Variants in PDXDC1 observed in about 807,000 individuals in gnomAD.
The protein encoded by PDXDC1 is pyridoxal-dependent decarboxylase domain-containing protein 1.
Under a neutral mutation model 100.1 loss-of-function variants are expected in PDXDC1, and 42 were observed. The observed-to-expected ratio is 0.42, with a 90% CI of 0.33 to 0.54. PDXDC1 has a LOEUF of 0.54. Among genes scored for constraint, PDXDC1 ranks in the 20% least tolerant of loss-of-function variants. PDXDC1 has a pLI of 0.10. For missense variants in PDXDC1, 636 were observed against 979.2 expected, an observed-to-expected ratio of 0.65 and a Z score of 4.68; for synonymous variants, 260 against 371.7, an observed-to-expected ratio of 0.70 and a Z score of 3.46.
chr16:15,146,689 C>T, the PDXDC1 span, among the ~76,000 whole-genome samples: 467 of 152,270 alleles, frequency 3.1e-3, no homozygotes, highest in Non-Finnish European at 5.6e-3. Context: ...TAAGCACAGG[C>T]ACAGTGTCTG....
intron 1 of PDXDC1, among the ~76,000 whole-genome samples, chr16:14,996,843 C>T (rs1384916899): frequency 1.3e-5 from 2 of 152,288 alleles, no homozygotes; most frequent in Non-Finnish European, 2.9e-5. Flanking sequence ...TGTAACAGAG[C>T]GACTGCCTCA....
intron 16 of PDXDC1, among the ~76,000 whole-genome samples, chr16:15,048,306 G>A (rs1343542669): frequency 6.6e-6 from 1 of 152,178 alleles, no homozygotes; most frequent in Non-Finnish European, 1.5e-5. Context: ...CTGCGCGGTG[G>A]TTTTTTTAAC....
At chr16:15,086,749 C>G (rs1258423423) in intron 16 of PDXDC1, among the ~76,000 whole-genome samples, 6 of 152,150 alleles carry the variant, frequency 3.9e-5, no homozygotes, top group Non-Finnish European at 8.8e-5. Flanking sequence ...ATGTTGACAC[C>G]TGGGACTTTT....
chr16:14,975,435 G>A (rs756937759), intron 1 of PDXDC1: 9 of 985,134 alleles, frequency 9.1e-6, no homozygotes, highest in Admixed American at 6.1e-5. Context: ...CGAAGAGGCT[G>A]GGCGGGGTTC....
intron 16 of PDXDC1, chr16:15,047,635 C>T (rs1316072237): frequency 3.8e-5 from 40 of 1,065,820 alleles, no homozygotes; most frequent in East Asian, 7.1e-5. Context: ...CCCTCCGGAC[C>T]GCCTCATCTT....
chr16:15,025,744 T>TCC, intron 13 of PDXDC1: 2 of 152,956 alleles, frequency 1.3e-5, no homozygotes, highest in Non-Finnish European at 2.9e-5. Flanking sequence ...TTAGAGATCT[T>TCC]CCCCCTCCAG....
In PDXDC1 at chr16:15,127,350, G is replaced by A. The variant is rs544880141; in HGVS notation, c.1400-11529G>A. The A allele has an allele frequency of 3.9e-5, 28 of 713,056 alleles. 1 individual carries two copies. The highest frequency in any genetic ancestry group is 2.3e-4 in the African/African-American group (13 of 57,052). 44.2% of individuals were successfully genotyped at this position (713,056 alleles called of 1,614,324 possible). A position where few individuals can be genotyped will look rare whatever the true frequency, so the allele number is the denominator to read the frequency against. ...CTGCTCAAGTGTGTTGACCCTTCCC[G>A]AGCAGCCTTTGGTGGACGCCTTTCC... On this transcript the variant is annotated intron_variant, in intron 16 of 16. Transcript: ENST00000535621.
chr16:15,132,929 G>A (rs1474460685), intron 16 of PDXDC1: 3 of 1,579,034 alleles, frequency 1.9e-6, no homozygotes, highest in East Asian at 2.2e-5. Flanking sequence ...CCGGCAGGAG[G>A]CCAGCAGATG....
intron 16 of PDXDC1, among the ~76,000 whole-genome samples, chr16:15,132,510 C>G (rs2048154042): frequency 6.7e-6 from 1 of 150,348 alleles, no homozygotes; most frequent in South Asian, 2.1e-4. Context: ...CTCTTTACAC[C>G]CTGGGTCCCC....
chr16:15,038,384 C>CACATTTCCATCTAGGACTTG, downstream of PDXDC1: 1 of 618,416 alleles, frequency 1.6e-6, no homozygotes, highest in Admixed American at 3.2e-5. Flanking sequence ...TTTACCCACA[C>CACATTTCCATCTAGGACTTG]ACATTTCCAT....
At chr16:15,141,094 A>C (rs1200351480), downstream of PDXDC1, among the ~76,000 whole-genome samples, 1 of 132,232 alleles carries the variant, frequency 7.6e-6, no homozygotes, top group African/African-American at 3.0e-5. Context: ...AGTCCCTGCC[A>C]CCCTCCATCC....
chr16:15,015,701 G>GT (rs1371038255), intron 8 of PDXDC1: 2 of 253,932 alleles, frequency 7.9e-6, no homozygotes, highest in Non-Finnish European at 1.5e-5. Context: ...GGGCGACAGT[G>GT]TGAGACTCCG....
At position 15,053,909 on chromosome 16, in the gene PDXDC1, C is replaced by T. The variant is rs2044395093; in HGVS notation, c.1399+23853C>T. ...CCTGGGCCACAGAACAAAACTAAGTCTCAAAAAAACCAACCAACCAAACAA... is the reference window on the plus strand; with the variant it reads ...CCTGGGCCACAGAACAAAACTAAGTTTCAAAAAAACCAACCAACCAAACAA... On this transcript the variant is annotated intron_variant, in intron 16 of 16. Coordinates refer to the PDXDC1 transcript ENST00000535621. Among the ~76,000 whole-genome samples the T allele has an allele frequency of 2.0e-5, 3 of 152,102 alleles. No individual in the cohort carries two copies. In the South Asian group the frequency reaches 6.2e-4, roughly 31 times the overall value.
chr16:15,052,597 G>A (rs1280476895), intron 16 of PDXDC1, among the ~76,000 whole-genome samples: 1 of 152,208 alleles, frequency 6.6e-6, no homozygotes, highest in Non-Finnish European at 1.5e-5. Flanking sequence ...CACTTTGGAG[G>A]CCGAGGCGAG....
chr16:15,031,600 T>A, intron 16 of PDXDC1, 135 bp from the exon 17 acceptor site: 2 of 671,282 alleles, frequency 3.0e-6, no homozygotes, highest in Non-Finnish European at 5.1e-6. Flanking sequence ...GGGCCTTTTT[T>A]TGTTTAAATC....
intron 1 of PDXDC1, among the ~76,000 whole-genome samples, chr16:14,975,801 GCC>G: frequency 2.0e-5 from 3 of 152,278 alleles, no homozygotes; most frequent in African/African-American, 7.2e-5. Context: ...AACCGCCACC[GCC>G]CCGCTCCCAC....
chr16:15,043,944 T>C (rs982552905), intron 16 of PDXDC1, among the ~76,000 whole-genome samples: 1 of 150,450 alleles, frequency 6.6e-6, no homozygotes, highest in African/African-American at 2.5e-5. Flanking sequence ...CAAGACTACA[T>C]CTCAAAAAAA....
intron 16 of PDXDC1, among the ~76,000 whole-genome samples, chr16:15,123,853 T>C (rs2047559153): frequency 7.3e-6 from 1 of 136,516 alleles, no homozygotes; most frequent in African/African-American, 2.8e-5. Context: ...GATCATAACA[T>C]GGCAATAAAA....
intron 16 of PDXDC1, among the ~76,000 whole-genome samples, chr16:15,102,438 T>A (rs1028962823): frequency 2.0e-5 from 3 of 150,790 alleles, no homozygotes; most frequent in African/African-American, 4.9e-5. Flanking sequence ...AGACATGAAG[T>A]TGCCCCAGGC....
Sources: gnomAD v4.1 joint callset for allele counts (sites outside exome capture counted in the v4.1 genomes callset) on GRCh38, gnomAD v4.1.1 for gene constraint, MANE v1.5 for transcripts, NCBI Gene and HGNC (gene_info 2026-07-23, HGNC 2026-07-21) for gene names.